Variants in CACNA2D3 observed in about 807,000 individuals in gnomAD.
CACNA2D3 encodes the protein voltage-dependent calcium channel subunit alpha-2/delta-3.
Under a neutral mutation model 160.6 loss-of-function variants are expected in CACNA2D3, and 60 were observed. That is an observed-to-expected ratio of 0.37 (90% CI 0.30 to 0.46). The LOEUF (loss-of-function observed/expected upper bound fraction) is 0.46. Ranked by LOEUF, CACNA2D3 falls within the 20% of genes least tolerant of loss-of-function variation. The probability of loss-of-function intolerance (pLI) is 1.00; values close to 1 mark genes in which losing one functional copy is unlikely to be tolerated. For missense variants in CACNA2D3, 1,205 were observed against 1,365.0 expected, an observed-to-expected ratio of 0.88 and a Z score of 1.85; for synonymous variants, 558 against 492.9, an observed-to-expected ratio of 1.13 and a Z score of -1.75.
At chr3:54,592,542 C>G (rs1702880715) in intron 9 of CACNA2D3, among the ~76,000 whole-genome samples, 1 of 152,104 alleles carries the variant, frequency 6.6e-6, no homozygotes, top group African/African-American at 2.4e-5. Context: ...AACTCTCATC[C>G]TAATCTACTA....
intron 13 of CACNA2D3, among the ~76,000 whole-genome samples, chr3:54,774,480 C>T (rs929253253): frequency 7.9e-5 from 12 of 151,996 alleles, no homozygotes; most frequent in East Asian, 1.9e-4. Context: ...ACAGCAAGGG[C>T]GGACATCTGC....
intron 4 of CACNA2D3, among the ~76,000 whole-genome samples, chr3:54,476,834 A>G (rs910708084): frequency 1.1e-4 from 17 of 152,214 alleles, no homozygotes; most frequent in African/African-American, 4.1e-4. Flanking sequence ...ATGGTTTACA[A>G]ATAATTTTGT....
At chr3:55,002,538 G>C (rs1050933450) in intron 31 of CACNA2D3, among the ~76,000 whole-genome samples, 2 of 152,202 alleles carry the variant, frequency 1.3e-5, no homozygotes, top group African/African-American at 4.8e-5. Flanking sequence ...TCAATGGTGA[G>C]AGCGTTTCTG....
chr3:54,191,158 C>T (rs1576989201), intron 2 of CACNA2D3, among the ~76,000 whole-genome samples: 1 of 151,990 alleles, frequency 6.6e-6, no homozygotes, highest in African/African-American at 2.4e-5. Context: ...AAACACATTC[C>T]TGCTCCGGGG....
chr3:54,224,192 A>G (rs1368361602), intron 2 of CACNA2D3, among the ~76,000 whole-genome samples: 2 of 151,800 alleles, frequency 1.3e-5, no homozygotes, highest in African/African-American at 4.8e-5. Context: ...GGGCAGTAAC[A>G]CCTAGAGAGC....
chr3:54,551,772 T>C (rs1702162375), intron 5 of CACNA2D3, among the ~76,000 whole-genome samples: 1 of 152,214 alleles, frequency 6.6e-6, no homozygotes, highest in Non-Finnish European at 1.5e-5. Context: ...TGTGACAGTT[T>C]TGCAACACTG....
chr3:54,961,794 ATCT>A (rs927636758), intron 27 of CACNA2D3, among the ~76,000 whole-genome samples: 81 of 152,322 alleles, frequency 5.3e-4, no homozygotes, highest in African/African-American at 1.9e-3. Flanking sequence ...GTGACAGGAC[ATCT>A]TCTGTTTTCT....
intron 2 of CACNA2D3, among the ~76,000 whole-genome samples, chr3:54,236,408 A>T (rs190630646): frequency 1.3e-5 from 2 of 152,354 alleles, no homozygotes; most frequent in Non-Finnish European, 2.9e-5. Context: ...CGACATATGG[A>T]AACTCCCTGT....
At chr3:54,194,302 A>G (rs940518475) in intron 2 of CACNA2D3, among the ~76,000 whole-genome samples, 3 of 152,234 alleles carry the variant, frequency 2.0e-5, no homozygotes, top group African/African-American at 4.8e-5. Flanking sequence ...ATCCTTACAC[A>G]TTCTATGCAT....
intron 9 of CACNA2D3, among the ~76,000 whole-genome samples, chr3:54,583,205 C>T (rs1020270332): frequency 1.3e-5 from 2 of 152,064 alleles, no homozygotes; most frequent in African/African-American, 2.4e-5. Flanking sequence ...GTGCTTGCAA[C>T]GTTAAACAGA....
chr3:54,681,134 A>G (rs1389796501), intron 11 of CACNA2D3, among the ~76,000 whole-genome samples: 2 of 151,810 alleles, frequency 1.3e-5, no homozygotes, highest in African/African-American at 4.8e-5. Context: ...AGAGAGAGAG[A>G]GAGACAGAGA....
At chr3:54,451,948 C>T (rs992346608) in intron 4 of CACNA2D3, among the ~76,000 whole-genome samples, 1 of 152,156 alleles carries the variant, frequency 6.6e-6, no homozygotes, top group East Asian at 1.9e-4. Context: ...CCTCCAGTGC[C>T]CTTTCCTCCT....
intron 11 of CACNA2D3, among the ~76,000 whole-genome samples, chr3:54,658,422 G>A (rs1372720749): frequency 6.6e-6 from 1 of 152,178 alleles, no homozygotes; most frequent in East Asian, 1.9e-4. Flanking sequence ...TTTCCCTGAT[G>A]ATGAACAATG....
At chr3:54,717,141 T>C (rs755655627) in intron 11 of CACNA2D3, among the ~76,000 whole-genome samples, 7 of 152,128 alleles carry the variant, frequency 4.6e-5, no homozygotes, top group Non-Finnish European at 8.8e-5. Flanking sequence ...GACATGTCTT[T>C]GAGATGCTGT....
At chr3:54,460,885 C>T (rs187686575) in intron 4 of CACNA2D3, among the ~76,000 whole-genome samples, 1 of 152,248 alleles carries the variant, frequency 6.6e-6, no homozygotes, top group Admixed American at 6.5e-5. Flanking sequence ...CAGTTTTTGC[C>T]CATTCAGTGT....
At chr3:54,667,576 T>C (rs1385316674) in intron 11 of CACNA2D3, among the ~76,000 whole-genome samples, 2 of 152,198 alleles carry the variant, frequency 1.3e-5, no homozygotes, top group Non-Finnish European at 2.9e-5. Context: ...ACAGACCACT[T>C]TCTGCTGAGT....
intron 11 of CACNA2D3, among the ~76,000 whole-genome samples, chr3:54,723,226 G>A (rs918395910): frequency 5.3e-5 from 8 of 152,174 alleles, no homozygotes; most frequent in Admixed American, 4.6e-4. Context: ...CAGCAATGGC[G>A]GACGTCCCTC....
chr3:54,970,449 CCTCCT>C (rs760443937), intron 29 of CACNA2D3, among the ~76,000 whole-genome samples: 231 of 57,378 alleles, frequency 4.0e-3, no homozygotes, highest in Non-Finnish European at 6.8e-3. Flanking sequence ...CCTCCCCTCC[CCTCCT>C]CTCCTCCCCT....
chr3:54,403,219 G>T (rs1370271898), intron 4 of CACNA2D3, among the ~76,000 whole-genome samples: 1 of 151,996 alleles, frequency 6.6e-6, no homozygotes, highest in African/African-American at 2.4e-5. Context: ...GCCGGTCTTG[G>T]TGGCACGTAC....
Sources: gnomAD v4.1 joint callset for allele counts (sites outside exome capture counted in the v4.1 genomes callset) on GRCh38, gnomAD v4.1.1 for gene constraint, MANE v1.5 for transcripts, NCBI Gene and HGNC (gene_info 2026-07-23, HGNC 2026-07-21) for gene names.